The following FBXL20 variants were observed in gnomAD, a reference collection of about 807,000 sequenced individuals.
FBXL20 encodes the protein F-box/LRR-repeat protein 20.
In FBXL20, 11 loss-of-function variants were observed where a neutral mutation model predicts 64.0. That is an observed-to-expected ratio of 0.17 (90% CI 0.11 to 0.28). FBXL20 has a LOEUF of 0.28. Ranked by LOEUF, FBXL20 falls within the 10% of genes least tolerant of loss-of-function variation. FBXL20 has a pLI of 1.00. For synonymous variants in FBXL20, 184 were observed against 189.0 expected, an observed-to-expected ratio of 0.97 and a Z score of 0.22; for missense variants, 303 against 526.2, an observed-to-expected ratio of 0.58 and a Z score of 4.15.
chr17:39,281,121 T>C (rs971686820), intron 9 of FBXL20, among the ~76,000 whole-genome samples: 2 of 152,302 alleles, frequency 1.3e-5, no homozygotes, highest in East Asian at 3.9e-4. Context: ...AGTAGACAGT[T>C]TTTTTAAGTA....
intron 1 of FBXL20, among the ~76,000 whole-genome samples, chr17:39,380,674 T>A (rs2048013020): frequency 6.6e-6 from 1 of 152,184 alleles, no homozygotes; most frequent in African/African-American, 2.4e-5. Context: ...CTCTTTTATG[T>A]TGTCAATCTC....
chr17:39,272,970 G>A (rs1423527131), intron 10 of FBXL20, among the ~76,000 whole-genome samples: 2 of 152,132 alleles, frequency 1.3e-5, no homozygotes, highest in African/African-American at 4.8e-5. Context: ...TTAGGCTTCT[G>A]ATATTACTAA....
chr17:39,324,017 C>T (rs951845010), intron 2 of FBXL20, among the ~76,000 whole-genome samples: 2 of 134,918 alleles, frequency 1.5e-5, no homozygotes, highest in East Asian at 2.5e-4. Context: ...AACCCCCTCC[C>T]CCCCCCACCC....
intron 6 of FBXL20, among the ~76,000 whole-genome samples, chr17:39,293,256 C>G: frequency 6.6e-6 from 1 of 150,700 alleles, no homozygotes; most frequent in Non-Finnish European, 1.5e-5. Flanking sequence ...GAGTCTCGCT[C>G]TGTCGCCCAG....
intron 1 of FBXL20, among the ~76,000 whole-genome samples, chr17:39,391,119 T>C (rs2048129528): frequency 6.6e-6 from 1 of 151,986 alleles, no homozygotes; most frequent in Non-Finnish European, 1.5e-5. Context: ...CTCTAAAGCA[T>C]TTAAAATTTA....
intron 12 of FBXL20, among the ~76,000 whole-genome samples, chr17:39,266,644 G>A (rs2144344373): frequency 6.6e-6 from 1 of 152,286 alleles, no homozygotes; most frequent in African/African-American, 2.4e-5. Flanking sequence ...ACTATGCCCA[G>A]CCCCCATGTC....
chr17:39,333,456 G>A (rs2047485075), intron 2 of FBXL20, among the ~76,000 whole-genome samples: 2 of 152,174 alleles, frequency 1.3e-5, no homozygotes, highest in Non-Finnish European at 2.9e-5. Flanking sequence ...GCTCAATGTT[G>A]CCCAGGCTGG....
intron 2 of FBXL20, among the ~76,000 whole-genome samples, chr17:39,324,957 A>G (rs1002609466): frequency 2.0e-5 from 3 of 152,224 alleles, no homozygotes; most frequent in South Asian, 2.1e-4. Context: ...TAATCCTAGC[A>G]CTTTGGGAAG....
At chr17:39,322,674 G>GC (rs2047368787) in intron 2 of FBXL20, among the ~76,000 whole-genome samples, 1 of 151,970 alleles carries the variant, frequency 6.6e-6, no homozygotes, top group Non-Finnish European at 1.5e-5. Flanking sequence ...GATAGGTAAA[G>GC]CATGTTTTGA....
rs933147855 is a variant in FBXL20 at position 39,254,563 on chromosome 17, G to A, written c.*6897C>T. On this transcript the variant is annotated 3_prime_UTR_variant, in exon 15 of 15. Coordinates refer to ENST00000264658, the MANE Select transcript of FBXL20 (RefSeq NM_032875.3). ...CTGGGGTGCACTTGTGGTTCTTTCGGTGGTGCCAAAACCTATCTGTTTGAC... is the reference window on the plus strand; with the variant it reads ...CTGGGGTGCACTTGTGGTTCTTTCGATGGTGCCAAAACCTATCTGTTTGAC... 1 of 154,420 alleles carries A rather than the reference G, an allele frequency of 6.5e-6. No homozygotes were observed. The highest frequency in any genetic ancestry group is 1.5e-5 in the Non-Finnish European group (1 of 68,208). The allele number at this position is 154,420 out of a possible 1,614,324, so 9.6% of individuals were successfully genotyped here.
chr17:39,354,450 C>T (rs192414284), intron 1 of FBXL20, among the ~76,000 whole-genome samples: 20 of 152,254 alleles, frequency 1.3e-4, no homozygotes, highest in Non-Finnish European at 2.4e-4. Context: ...CCTATGAAAC[C>T]TCAAAGCATC....
chr17:39,284,844 C>T (rs1443996774), intron 7 of FBXL20, among the ~76,000 whole-genome samples: 1 of 152,194 alleles, frequency 6.6e-6, no homozygotes, highest in Non-Finnish European at 1.5e-5. Flanking sequence ...TAAGAAAAAG[C>T]TCAGAAAGGT....
chr17:39,369,346 C>T (rs755974230), intron 1 of FBXL20, among the ~76,000 whole-genome samples: 15 of 150,220 alleles, frequency 1.0e-4, no homozygotes, highest in Non-Finnish European at 1.9e-4. Flanking sequence ...CAAACTCCAC[C>T]TCCTGGGTTC....
intron 1 of FBXL20, among the ~76,000 whole-genome samples, chr17:39,364,649 CTG>C (rs1481610912): frequency 6.6e-6 from 1 of 152,144 alleles, no homozygotes. Context: ...AGGAATAACA[CTG>C]TGATTTCCCA....
intron 9 of FBXL20, among the ~76,000 whole-genome samples, chr17:39,277,380 G>A (rs987275206): frequency 2.0e-5 from 3 of 152,166 alleles, no homozygotes; most frequent in Non-Finnish European, 2.9e-5. Context: ...GAAAAGTACC[G>A]TAGGGCTGTG....
intron 2 of FBXL20, among the ~76,000 whole-genome samples, chr17:39,321,464 C>CAAA (rs71147318): frequency 1.6e-3 from 144 of 88,268 alleles, no homozygotes; most frequent in African/African-American, 5.8e-3. Context: ...GAATCTGTCT[C>CAAA]AAAAAAAAAA....
chr17:39,317,692 TTTTTTTTTG>T (rs1567877396), intron 2 of FBXL20, among the ~76,000 whole-genome samples: 71 of 65,626 alleles, frequency 1.1e-3, no homozygotes, highest in African/African-American at 0.01. Flanking sequence ...TTTTTTTGTT[TTTTTTTTTG>T]TTTTTTTTTT....
At position 39,321,146 on chromosome 17, in the gene FBXL20, G is replaced by A. The variant is rs988329248; in HGVS notation, c.105-17507C>T. Among the ~76,000 whole-genome samples the A allele has an allele frequency of 4.7e-5, 6 of 126,490 alleles. No individual in the cohort carries two copies. In the South Asian group the frequency reaches 6.3e-4, roughly 13 times the overall value. 83.0% of individuals were successfully genotyped at this position (126,490 alleles called of 152,430 possible). A position where few individuals can be genotyped will look rare whatever the true frequency, so the allele number is the denominator to read the frequency against. ...CAGTATATTTTTGAAGTCCACAGTC[G>A]ACATGCTGTATAAAACTAATCAGTC... On this transcript the variant is annotated intron_variant, in intron 2 of 14. Coordinates refer to ENST00000264658, the MANE Select transcript of FBXL20 (RefSeq NM_032875.3).
chr17:39,362,069 C>A (rs982012069), intron 1 of FBXL20, among the ~76,000 whole-genome samples: 3 of 150,196 alleles, frequency 2.0e-5, no homozygotes, highest in Admixed American at 1.3e-4. Flanking sequence ...GGGCAGATCA[C>A]GAGGTCAGGA....
Sources: gnomAD v4.1 joint callset for allele counts (sites outside exome capture counted in the v4.1 genomes callset) on GRCh38, gnomAD v4.1.1 for gene constraint, MANE v1.5 for transcripts, NCBI Gene and HGNC (gene_info 2026-07-23, HGNC 2026-07-21) for gene names.